RPTOR: variants seen among roughly 807,000 people sequenced by gnomAD.
RPTOR encodes the protein regulatory-associated protein of mTOR.
RPTOR carries 21 observed loss-of-function variants against 169.9 expected under a neutral mutation model. The observed-to-expected ratio is 0.12, with a 90% CI of 0.09 to 0.18. The LOEUF (loss-of-function observed/expected upper bound fraction) is 0.18. Ranked by LOEUF, RPTOR falls within the 10% of genes least tolerant of loss-of-function variation. The pLI is 1.00. For missense variants in RPTOR, 1,133 were observed against 1,855.9 expected (o/e 0.61, Z 7.16); for synonymous variants, 732 against 753.2 (o/e 0.97, Z 0.46).
intron 21 of RPTOR, among the ~76,000 whole-genome samples, chr17:80,915,563 A>C (rs879354299): frequency 3.9e-4 from 36 of 91,172 alleles, no homozygotes; most frequent in East Asian, 1.1e-3. Flanking sequence ...TACCCACTCC[A>C]GGGTCTCCTC....
intron 1 of RPTOR, among the ~76,000 whole-genome samples, chr17:80,622,758 G>T (rs1348770614): frequency 6.6e-6 from 1 of 152,046 alleles, no homozygotes; most frequent in African/African-American, 2.4e-5. Context: ...AATAAAATTA[G>T]CTGGGTGTGG....
At chr17:80,943,916 T>A (rs529683084) in intron 25 of RPTOR, among the ~76,000 whole-genome samples, 5 of 152,332 alleles carry the variant, frequency 3.3e-5, no homozygotes, top group African/African-American at 1.2e-4. Flanking sequence ...CCCTCCTGGT[T>A]GCCCAGAGGC....
intron 7 of RPTOR, among the ~76,000 whole-genome samples, chr17:80,792,421 C>T (rs2067057777): frequency 6.6e-6 from 1 of 152,118 alleles, no homozygotes; most frequent in African/African-American, 2.4e-5. Flanking sequence ...TGTAAACGTT[C>T]ATGAGGGCAC....
chr17:80,780,772 T>TCCC (rs1344799996), intron 6 of RPTOR, among the ~76,000 whole-genome samples: 1 of 152,092 alleles, frequency 6.6e-6, no homozygotes, highest in Non-Finnish European at 1.5e-5. Flanking sequence ...CCCCTCACCC[T>TCCC]CCCCCCGGGG....
intron 20 of RPTOR, among the ~76,000 whole-genome samples, chr17:80,896,547 G>A (rs916977241): frequency 8.9e-4 from 12 of 13,462 alleles, no homozygotes; most frequent in African/African-American, 2.1e-3. Context: ...CCCCACGGCC[G>A]CGCCGACACC....
rs1312504157 is a variant in RPTOR, at chr17:80,889,912, C to T, written c.1984-1808C>T. 7.0e-5 allele frequency among the ~76,000 whole-genome samples: 8 copies of T among 114,922 alleles called. 1 individual carries two copies. The highest frequency in any genetic ancestry group is 1.5e-4 in the Non-Finnish European group (8 of 53,696). 75.4% of individuals were successfully genotyped at this position (114,922 alleles called of 152,430 possible). A position where few individuals can be genotyped will look rare whatever the true frequency, so the allele number is the denominator to read the frequency against. On this transcript the variant is annotated intron_variant, in intron 17 of 33. Coordinates refer to ENST00000306801, the MANE Select transcript of RPTOR (RefSeq NM_020761.3). Reference sequence around the variant, plus strand: ...AGGCCCCCGTACGCAGCAGGATGTGCGGCCTCCGAGGGAGGCCCCCGTACG... The same window carrying T: ...AGGCCCCCGTACGCAGCAGGATGTGTGGCCTCCGAGGGAGGCCCCCGTACG...
chr17:80,547,061 T>G (rs2143192170), intron 1 of RPTOR, among the ~76,000 whole-genome samples: 1 of 152,188 alleles, frequency 6.6e-6, no homozygotes, highest in Non-Finnish European at 1.5e-5. Flanking sequence ...AGAGTGAGAC[T>G]GTGTCTCAAA....
rs548789573 is a variant in RPTOR, at chr17:80,610,434, A to G, written c.163-15257A>G. Reference sequence around the variant, plus strand: ...GTCTTGTTAGTAAGAAGGTTCAGGGAGTTGAGATGACGGGGCTGAGATGCT... The same window carrying G: ...GTCTTGTTAGTAAGAAGGTTCAGGGGGTTGAGATGACGGGGCTGAGATGCT... On this transcript the variant is annotated intron_variant, in intron 1 of 33. Coordinates refer to ENST00000306801, the MANE Select transcript of RPTOR (RefSeq NM_020761.3). Among the ~76,000 whole-genome samples the G allele has an allele frequency of 6.6e-5, 10 of 152,244 alleles. No homozygotes were observed. In the East Asian group the frequency reaches 1.9e-3, roughly 29 times the overall value.
intron 2 of RPTOR, among the ~76,000 whole-genome samples, chr17:80,643,447 G>A (rs1187106389): frequency 6.6e-6 from 1 of 152,198 alleles, no homozygotes; most frequent in Non-Finnish European, 1.5e-5. Context: ...CAGTGCAAGT[G>A]CGGGAAAGCT....
chr17:80,865,075 G>A (rs773162324), intron 13 of RPTOR, among the ~76,000 whole-genome samples: 1 of 152,246 alleles, frequency 6.6e-6, no homozygotes, highest in Admixed American at 6.5e-5. Context: ...AAATACTATT[G>A]TAAGATTCTT....
rs895218314 is a variant in RPTOR, at chr17:80,659,105, T to C, written c.348+15295T>C. Among the ~76,000 whole-genome samples, 1 of 152,022 alleles carries C rather than the reference T, an allele frequency of 6.6e-6. No homozygotes were observed. The highest frequency in any genetic ancestry group is 2.4e-5 in the African/African-American group (1 of 41,368). ...CCCGTGGAGGGAATCTGAGTCCCGA[T>C]TGTGGAATGGTGGTGGCAGCATCAC... On this transcript the variant is annotated intron_variant, in intron 3 of 33. Transcript: ENST00000306801. The surrounding 1 kb of genome is among the most constrained non-coding windows in gnomAD (Gnocchi z 4.3).
chr17:80,966,360 A>G lies in RPTOR; in HGVS notation c.*2030A>G, dbSNP rs1304934546. The G allele has an allele frequency of 4.5e-6, 1 of 223,628 alleles. No individual in the cohort carries two copies. The highest frequency in any genetic ancestry group is 2.2e-5 in the African/African-American group (1 of 44,786). The allele number at this position is 223,628 out of a possible 1,614,324, so 13.9% of individuals were successfully genotyped here. ...CAGAGAGTGACCAACAGTAAACAAC[A>G]CGCGCAGACTCCGCGGCTGGCGGCT... is the stretch of plus-strand genomic sequence containing the variant. On this transcript the variant is annotated 3_prime_UTR_variant, in exon 34 of 34. Coordinates refer to ENST00000306801, the MANE Select transcript of RPTOR (RefSeq NM_020761.3).
At chr17:80,668,285 C>T (rs937917939) in intron 3 of RPTOR, among the ~76,000 whole-genome samples, 2 of 152,136 alleles carry the variant, frequency 1.3e-5, no homozygotes, top group Non-Finnish European at 2.9e-5. Flanking sequence ...CCATCTCCAT[C>T]CATTTTTACT....
intron 5 of RPTOR, among the ~76,000 whole-genome samples, chr17:80,748,077 C>T (rs1243522373): frequency 2.9e-5 from 2 of 70,000 alleles, no homozygotes; most frequent in Non-Finnish European, 5.3e-5. Flanking sequence ...GGAGGGACTG[C>T]GGTGTGTGTT....
chr17:80,611,458 G>C (rs185891347), intron 1 of RPTOR, among the ~76,000 whole-genome samples: 45 of 152,114 alleles, frequency 3.0e-4, no homozygotes, highest in Admixed American at 8.5e-4. Flanking sequence ...GTAGAGAGGG[G>C]GTTTCACCAT....
intron 9 of RPTOR, among the ~76,000 whole-genome samples, chr17:80,830,195 C>T (rs1391950258): frequency 6.6e-6 from 1 of 152,192 alleles, no homozygotes; most frequent in Non-Finnish European, 1.5e-5. Context: ...TGGCATCTTC[C>T]TGGTTTCCTG....
At chr17:80,645,251 G>A (rs760585243) in intron 3 of RPTOR, among the ~76,000 whole-genome samples, 5 of 152,152 alleles carry the variant, frequency 3.3e-5, no homozygotes, top group African/African-American at 9.7e-5. Flanking sequence ...AGACATGGCC[G>A]TGTTGGCACA....
chr17:80,807,061 G>C (rs1295638012), intron 7 of RPTOR, among the ~76,000 whole-genome samples: 5 of 152,186 alleles, frequency 3.3e-5, no homozygotes, highest in African/African-American at 1.2e-4. Context: ...TTTTGCCTTA[G>C]AGTCCACATT....
chr17:80,789,389 G>T (rs1244890204), intron 6 of RPTOR, among the ~76,000 whole-genome samples: 2 of 152,142 alleles, frequency 1.3e-5, no homozygotes, highest in South Asian at 2.1e-4. Context: ...CCTCTGGGGT[G>T]TCCATGTCCT....
Sources: gnomAD v4.1 joint callset for allele counts (sites outside exome capture counted in the v4.1 genomes callset) on GRCh38, gnomAD v4.1.1 for gene constraint, Gnocchi (gnomAD v3.1) non-coding constraint, MANE v1.5 for transcripts, NCBI Gene and HGNC (gene_info 2026-07-23, HGNC 2026-07-21) for gene names.